HARS2: variants seen among roughly 807,000 people sequenced by gnomAD.
The protein encoded by HARS2 is histidine--tRNA ligase, mitochondrial.
In HARS2, 40 loss-of-function variants were observed where a neutral mutation model predicts 62.4. The ratio of observed to expected loss-of-function variants is 0.64; its 90% CI spans 0.50 to 0.83. The LOEUF (loss-of-function observed/expected upper bound fraction) is 0.83, where lower values mean the gene tolerates loss of function less well. Ranked by LOEUF, HARS2 falls within the 40% of genes least tolerant of loss-of-function variation. The pLI, the probability that HARS2 is intolerant of heterozygous loss-of-function variation, is 0.00. For missense variants in HARS2, 569 were observed against 626.4 expected, an observed-to-expected ratio of 0.91 and a Z score of 0.98; for synonymous variants, 228 against 227.0, an observed-to-expected ratio of 1.00 and a Z score of -0.04.
chr5:140,696,385 C>A, intron 7 of HARS2, 136 bp from the exon 8 acceptor site: 1 of 820,950 alleles, frequency 1.2e-6, no homozygotes, highest in Non-Finnish European at 2.1e-6. Context: ...GACTGGATTT[C>A]TTAAGCTGTC....
In HARS2 at chr5:140,697,191, G is replaced by A. The variant is rs201992704; in HGVS notation, c.982G>A (p.Gly328Ser). The A allele has an allele frequency of 6.2e-7, 1 of 1,614,190 alleles. No individual in the cohort carries two copies. The highest frequency in any genetic ancestry group is 1.7e-5 in the Admixed American group (1 of 60,024). Reference protein sequence around the residue: ...KISFDLSLARGLDYYTGVIYE... With the variant: ...KISFDLSLARSLDYYTGVIYE... ...CTCCTTTGACCTCAGCCTGGCTCGG[G>A]GCCTAGACTACTATACAGGAGTGAT... Residue 328 changes from glycine (G) to serine (S), a missense_variant, in exon 10 of 13, where the codon GGC becomes AGC. Physicochemically the swap from Gly to Ser is moderately conservative, Grantham distance 56 (BLOSUM62 0). Transcript: ENST00000230771.
intron 4 of HARS2, among the ~76,000 whole-genome samples, chr5:140,694,663 C>G (rs1045216311): frequency 6.6e-6 from 1 of 152,056 alleles, no homozygotes; most frequent in African/African-American, 2.4e-5. Flanking sequence ...GTCAGGAGTT[C>G]AAGACCAGCC....
Position 140,696,159 on chromosome 5 carries a change from C to T in HARS2, c.690C>T (p.Ser230=), listed in dbSNP as rs1414798486. 6.2e-7 allele frequency: 1 copy of T among 1,613,856 alleles called. No homozygotes were observed. The highest frequency in any genetic ancestry group is 1.3e-5 in the African/African-American group (1 of 75,028). The stretch of plus-strand genomic sequence containing the variant: ...TTGCTGTCTGTGGTGTTCCTGAAAG[C>T]AAGTTCCGTGCCATCTGCTCCTCCA... The part of the protein sequence containing the change: ...GMFAVCGVPE[S]KFRAICSSID... Residue 230 remains serine (S), a synonymous_variant, in exon 7 of 13, where the codon AGC becomes AGT. Transcript: ENST00000230771.
Position 140,698,673 on chromosome 5 carries a change from G to T in HARS2, c.*121G>T. On this transcript the variant is annotated 3_prime_UTR_variant, in exon 13 of 13. Coordinates refer to ENST00000230771, the MANE Select transcript of HARS2 (RefSeq NM_012208.4). ...CCAGGAAGGGTGACAAGTACCTTCT[G>T]CCTCCTCCATTCTTCCTGGGTGCAG... 1 of 839,990 alleles carries T rather than the reference G, an allele frequency of 1.2e-6. No individual in the cohort carries two copies. The highest frequency in any genetic ancestry group is 2.1e-6 in the Non-Finnish European group (1 of 476,688). 52.0% of individuals were successfully genotyped at this position (839,990 alleles called of 1,614,324 possible). A position where few individuals can be genotyped will look rare whatever the true frequency, so the allele number is the denominator to read the frequency against.
At chr5:140,694,814 C>G (rs1759681646) in intron 4 of HARS2, among the ~76,000 whole-genome samples, 1 of 152,136 alleles carries the variant, frequency 6.6e-6, no homozygotes, top group South Asian at 2.1e-4. Flanking sequence ...GCTGTGGTGG[C>G]AGGTGCCTGT....
At chr5:140,696,250 C>A in intron 7 of HARS2, 49 bp downstream of exon 7, 2 of 1,276,466 alleles carry the variant, frequency 1.6e-6, no homozygotes, top group African/African-American at 1.5e-5. Flanking sequence ...TTCTGCCCTG[C>A]CCTCAAATCC....
rs967746417 is a variant in HARS2, at chr5:140,698,663, A to G, written c.*111A>G. 6 of 889,408 alleles carry G rather than the reference A, an allele frequency of 6.7e-6. No homozygotes were observed. The highest frequency in any genetic ancestry group is 3.3e-5 in the African/African-American group (2 of 61,274). 55.1% of individuals were successfully genotyped at this position (889,408 alleles called of 1,614,324 possible). On this transcript the variant is annotated 3_prime_UTR_variant, in exon 13 of 13. Transcript: ENST00000230771. ...CAACAACTAGCCAGGAAGGGTGACA[A>G]GTACCTTCTGCCTCCTCCATTCTTC...
At chr5:140,696,878 C>A in intron 8 of HARS2, 65 bp from the exon 9 acceptor site, 2 of 1,327,512 alleles carry the variant, frequency 1.5e-6, no homozygotes, top group Non-Finnish European at 2.1e-6. Context: ...CTAGCTAGAG[C>A]ACATTAGGGA....
In HARS2 at chr5:140,692,999, C is replaced by T. The variant is rs111863295; in HGVS notation, c.109-592C>T. On this transcript the variant is annotated intron_variant, in intron 1 of 12. Coordinates refer to ENST00000230771, the MANE Select transcript of HARS2 (RefSeq NM_012208.4). ...TTGGTGTTGGTAGTGGTGGGTTGTT[C>T]AGTGCCTTCATTATTCTCAGATTCT... Among the ~76,000 whole-genome samples the T allele has an allele frequency of 8.9e-3, 1,356 of 152,048 alleles. 18 individuals carry two copies. The highest frequency in any genetic ancestry group is 0.031 in the African/African-American group (1,299 of 41,464).
At chr5:140,692,610 T>C (rs1759552578) in intron 1 of HARS2, among the ~76,000 whole-genome samples, 1 of 152,202 alleles carries the variant, frequency 6.6e-6, no homozygotes, top group Non-Finnish European at 1.5e-5. Context: ...ATTATTTTTT[T>C]GTCCGGGCAC....
chr5:140,695,563 A>G lies in HARS2; in HGVS notation c.455A>G (p.His152Arg). The change falls in exon 5 of 13, where the codon CAT (histidine) becomes CGT (arginine). Residue 152 changes from histidine to arginine, a missense_variant. Transcript: ENST00000230771. ...AAGGTGAAGAAGATGAAACGTTATC[A>G]TGTTGGAAAGGTGTGGCGGCGAGAG... is the stretch of plus-strand genomic sequence containing the variant. ...MNKVKKMKRY[H>R]VGKVWRRESP... The G allele has an allele frequency of 3.7e-6, 6 of 1,614,188 alleles. No homozygotes were observed. The highest frequency in any genetic ancestry group is 5.1e-6 in the Non-Finnish European group (6 of 1,180,044).
At chr5:140,691,830 T>C in intron 1 of HARS2, 74 bp downstream of exon 1, 1 of 1,038,412 alleles carries the variant, frequency 9.6e-7, no homozygotes, top group East Asian at 2.6e-5. Context: ...TCGCGGCCTG[T>C]ATTCCAGTAG....
Position 140,691,457 on chromosome 5 carries a change from C to T in HARS2, c.-192C>T. The T allele has an allele frequency of 2.8e-6, 2 of 718,286 alleles. No homozygotes were observed. 44.5% of individuals were successfully genotyped at this position (718,286 alleles called of 1,614,324 possible). A position where few individuals can be genotyped will look rare whatever the true frequency, so the allele number is the denominator to read the frequency against. ...TATTTCCGGCTCCTCCCGGAAGTGC[C>T]GAAGCTGGCTACTAAGGGAACTTGG... On this transcript the variant is annotated 5_prime_UTR_variant, in exon 1 of 13. Transcript: ENST00000230771.
In HARS2 at chr5:140,691,635, C is replaced by T. The variant is rs747952617; in HGVS notation, c.-14C>T. 2 of 1,522,376 alleles carry T rather than the reference C, an allele frequency of 1.3e-6. No homozygotes were observed. Among genetic ancestry groups the T allele is most frequent in the Non-Finnish European group, 1.8e-6 (2 of 1,121,210 alleles). The allele number at this position is 1,522,376 out of a possible 1,614,324, so 94.3% of individuals were successfully genotyped here. ...TTTTGTTCCTGTCCCGGAAAGCCGGCGTCCTGCCGCGCGATGCCCCTGCTC... is the reference window on the plus strand; with the variant it reads ...TTTTGTTCCTGTCCCGGAAAGCCGGTGTCCTGCCGCGCGATGCCCCTGCTC... On this transcript the variant is annotated 5_prime_UTR_variant, in exon 1 of 13. Transcript: ENST00000230771.
At chr5:140,692,032 TA>T in intron 1 of HARS2, 1 of 485,618 alleles carries the variant, frequency 2.1e-6, no homozygotes, top group Non-Finnish European at 3.7e-6. Flanking sequence ...GGGAGTATTT[TA>T]ATTCATATCC....
At chr5:140,692,890 T>TG (rs1191312955) in intron 1 of HARS2, among the ~76,000 whole-genome samples, 20 of 147,612 alleles carry the variant, frequency 1.4e-4, no homozygotes, top group African/African-American at 4.8e-4. Flanking sequence ...AGACTCTATC[T>TG]GAAAAAAAAA....
intron 4 of HARS2, among the ~76,000 whole-genome samples, chr5:140,694,552 C>T (rs1054413780): frequency 2.4e-4 from 36 of 152,222 alleles, no homozygotes; most frequent in African/African-American, 8.4e-4. Context: ...TGGAATGGGG[C>T]TCAATAATTT....
chr5:140,694,598 G>A (rs1195505372), intron 4 of HARS2, among the ~76,000 whole-genome samples: 2 of 152,204 alleles, frequency 1.3e-5, no homozygotes, highest in Non-Finnish European at 2.9e-5. Context: ...CAGACACGTG[G>A]CTCACGCCTG....
At position 140,691,487 on chromosome 5, in the gene HARS2, A is replaced by G; in HGVS notation, c.-162A>G. 2.8e-6 allele frequency: 2 copies of G among 716,852 alleles called. No homozygotes were observed. Among genetic ancestry groups the G allele is most frequent in the Non-Finnish European group, 4.8e-6 (2 of 415,314 alleles). The allele number at this position is 716,852 out of a possible 1,614,324, so 44.4% of individuals were successfully genotyped here. On this transcript the variant is annotated 5_prime_UTR_variant, in exon 1 of 13. Transcript: ENST00000230771. ...CTGGCTACTAAGGGAACTTGGGAGG[A>G]TCCCACCTCAGCCTTCGTGACTAGT...
Sources: allele counts gnomAD v4.1 joint callset (sites outside exome capture counted in the v4.1 genomes callset), GRCh38; gene constraint gnomAD v4.1.1; transcripts MANE v1.5; gene names NCBI Gene and HGNC (gene_info 2026-07-23, HGNC 2026-07-21).